Variants in PMS1 observed in about 807,000 individuals in gnomAD.
The protein encoded by PMS1 is PMS1 homolog 1, mismatch repair system component, also known as PMS1 protein homolog 1.
PMS1 carries 79 observed loss-of-function variants against 93.1 expected under a neutral mutation model. That is an observed-to-expected ratio of 0.85 (90% CI 0.71 to 1.02). PMS1 has a LOEUF of 1.02. Among genes scored for constraint, PMS1 ranks in the 50% least tolerant of loss-of-function variants. The pLI is 0.00. For synonymous variants in PMS1, 335 were observed against 363.4 expected (o/e 0.92, Z 0.89); for missense variants, 1,064 against 1,085.3 (o/e 0.98, Z 0.28).
chr2:189,852,497 GTTAATAC>G (rs777265263), intron 6 of PMS1, among the ~76,000 whole-genome samples, 151 bp from the exon 7 acceptor site: 22 of 152,202 alleles, frequency 1.4e-4, no homozygotes, highest in Non-Finnish European at 2.5e-4. Flanking sequence ...TTTATTTAAA[GTTAATAC>G]TTAAGACATG....
chr2:189,831,263 T>C (rs2052905914), intron 5 of PMS1, among the ~76,000 whole-genome samples: 1 of 152,170 alleles, frequency 6.6e-6, no homozygotes. Flanking sequence ...TGGAAGGCAT[T>C]AAAAGTTTTT....
chr2:189,872,067 A>G (rs1418106788), intron 11 of PMS1, among the ~76,000 whole-genome samples: 4 of 152,198 alleles, frequency 2.6e-5, no homozygotes, highest in South Asian at 2.1e-4. Context: ...CCATGACCCA[A>G]TGCACCTCCC....
At chr2:189,806,255 A>C (rs1422087285) in intron 4 of PMS1, 2 of 255,080 alleles carry the variant, frequency 7.8e-6, no homozygotes, top group Non-Finnish European at 1.5e-5. Context: ...AAGTTCTTTC[A>C]TGTAATACCC....
chr2:189,844,298 C>CA (rs1156586742), intron 6 of PMS1, among the ~76,000 whole-genome samples: 1 of 151,904 alleles, frequency 6.6e-6, no homozygotes, highest in Non-Finnish European at 1.5e-5. Context: ...CATTGATTTT[C>CA]AAAAAAATTA....
chr2:189,789,660 A>G (rs1249822791), intron 1 of PMS1, among the ~76,000 whole-genome samples: 6 of 151,976 alleles, frequency 3.9e-5, no homozygotes, highest in African/African-American at 1.5e-4. Flanking sequence ...ATGCTGCCTG[A>G]GAAATAATCC....
At chr2:189,795,375 T>G (rs1346345287) in intron 2 of PMS1, among the ~76,000 whole-genome samples, 1 of 152,228 alleles carries the variant, frequency 6.6e-6, no homozygotes, top group Non-Finnish European at 1.5e-5. Context: ...ATGTGTTACT[T>G]TGTCGCTGAT....
At position 189,849,735 on chromosome 2, in the gene PMS1, C is replaced by CATCCTGCCAAGCTTTTT. The variant is rs1210922946; in HGVS notation, c.700-2904_700-2903insTATCCTGCCAAGCTTTT. ...GGTATCATATTAGTAATGCATGCCT[C>CATCCTGCCAAGCTTTTT]ATCCTGCCAAGCTTTTACAGGCCCC... On this transcript the variant is annotated intron_variant, in intron 6 of 12. Coordinates refer to ENST00000441310, the MANE Select transcript of PMS1 (RefSeq NM_000534.5). Among the ~76,000 whole-genome samples, 3 of 152,160 alleles carry CATCCTGCCAAGCTTTTT rather than the reference C, an allele frequency of 2.0e-5. No individual in the cohort carries two copies. The East Asian group carries it at 5.8e-4, about 29-fold the overall frequency.
chr2:189,785,795 T>C (rs1444466816), intron 1 of PMS1, among the ~76,000 whole-genome samples: 2 of 152,078 alleles, frequency 1.3e-5, no homozygotes, highest in Admixed American at 1.3e-4. Context: ...GAGAGAACCA[T>C]GTGAGCTGAG....
At chr2:189,874,161 A>G (rs541980176) in intron 12 of PMS1, among the ~76,000 whole-genome samples, 3 of 152,254 alleles carry the variant, frequency 2.0e-5, no homozygotes, top group Admixed American at 2.0e-4. Context: ...GGTAAACTCT[A>G]TCATGGATTC....
At chr2:189,819,127 T>C (rs2051596117) in intron 5 of PMS1, among the ~76,000 whole-genome samples, 1 of 152,238 alleles carries the variant, frequency 6.6e-6, no homozygotes, top group South Asian at 2.1e-4. Flanking sequence ...CTTCCACTTA[T>C]AAGTGAAAAC....
intron 4 of PMS1, among the ~76,000 whole-genome samples, chr2:189,810,609 T>C (rs959229271): frequency 5.9e-5 from 9 of 152,168 alleles, no homozygotes; most frequent in African/African-American, 2.2e-4. Context: ...AGGACTTTTG[T>C]TGAGTAAAAA....
chr2:189,796,466 A>G lies in PMS1; in HGVS notation c.315+515A>G, dbSNP rs554212991. Among the ~76,000 whole-genome samples the G allele has an allele frequency of 2.0e-5, 3 of 152,304 alleles. No homozygotes were observed. The East Asian group carries it at 5.8e-4, about 29-fold the overall frequency. ...TACAGTCACATTGTCGTGTATCTAT[A>G]ACCATTATTCATCTCCGCAACCTTT... is the stretch of plus-strand genomic sequence containing the variant. On this transcript the variant is annotated intron_variant, in intron 3 of 12. Coordinates refer to ENST00000441310, the MANE Select transcript of PMS1 (RefSeq NM_000534.5).
At chr2:189,844,430 G>C (rs1324232931) in intron 6 of PMS1, among the ~76,000 whole-genome samples, 1 of 152,240 alleles carries the variant, frequency 6.6e-6, no homozygotes, top group Non-Finnish European at 1.5e-5. Flanking sequence ...GATGACGTGA[G>C]GTCAGGACTT....
chr2:189,826,498 A>G (rs1422631431), intron 5 of PMS1, among the ~76,000 whole-genome samples: 2 of 150,742 alleles, frequency 1.3e-5, no homozygotes, highest in Non-Finnish European at 3.0e-5. Context: ...TAAATTTATT[A>G]AATGGTTTTC....
intron 5 of PMS1, among the ~76,000 whole-genome samples, chr2:189,839,249 C>G (rs2053630809): frequency 6.6e-6 from 1 of 152,166 alleles, no homozygotes; most frequent in Non-Finnish European, 1.5e-5. Flanking sequence ...CCTTGGCCTC[C>G]CAAAGTGCTG....
intron 3 of PMS1, among the ~76,000 whole-genome samples, chr2:189,796,372 A>G (rs5742984): frequency 1.8e-3 from 281 of 152,266 alleles, no homozygotes; most frequent in African/African-American, 6.3e-3. Flanking sequence ...AAAAATATAT[A>G]TATACATAAC....
intron 5 of PMS1, among the ~76,000 whole-genome samples, chr2:189,833,197 C>T (rs980449000): frequency 1.4e-4 from 21 of 152,270 alleles, no homozygotes; most frequent in African/African-American, 4.6e-4. Context: ...GACCTTTTCT[C>T]GTAGTTGCAG....
At chr2:189,870,210 G>A (rs1191583710) in intron 11 of PMS1, among the ~76,000 whole-genome samples, 1 of 151,982 alleles carries the variant, frequency 6.6e-6, no homozygotes, top group Admixed American at 6.6e-5. Context: ...TCTGTCTTGT[G>A]TGAGAGTATT....
At chr2:189,821,262 C>T (rs1022988640) in intron 5 of PMS1, among the ~76,000 whole-genome samples, 1 of 150,804 alleles carries the variant, frequency 6.6e-6, no homozygotes, top group Non-Finnish European at 1.5e-5. Flanking sequence ...CGAGACTATC[C>T]TGGCTAACAC....
Sources: allele counts gnomAD v4.1 joint callset (sites outside exome capture counted in the v4.1 genomes callset), GRCh38; gene constraint gnomAD v4.1.1; transcripts MANE v1.5; gene names NCBI Gene and HGNC (gene_info 2026-07-23, HGNC 2026-07-21).